ABL1: variants seen among roughly 807,000 people sequenced by gnomAD.
The protein encoded by ABL1 is tyrosine-protein kinase ABL1.
In ABL1, 11 loss-of-function variants were observed where a neutral mutation model predicts 94.7. That is an observed-to-expected ratio of 0.12 (90% CI 0.07 to 0.19). The LOEUF is 0.19. Ranked by LOEUF, ABL1 falls within the 10% of genes least tolerant of loss-of-function variation. ABL1 has a pLI of 1.00. For missense variants in ABL1, 1,082 were observed against 1,489.4 expected, an observed-to-expected ratio of 0.73 and a Z score of 4.50; for synonymous variants, 656 against 622.4, an observed-to-expected ratio of 1.05 and a Z score of -0.80.
intron 1 of ABL1, among the ~76,000 whole-genome samples, chr9:130,726,381 A>T (rs867597723): frequency 6.6e-6 from 1 of 151,990 alleles, no homozygotes; most frequent in Non-Finnish European, 1.5e-5. Context: ...AGCACCATCG[A>T]TTAGTTTCCC....
At chr9:130,777,792 C>G (rs74634810) in intron 1 of ABL1, among the ~76,000 whole-genome samples, 31 of 29,900 alleles carry the variant, frequency 1.0e-3, no homozygotes, top group African/African-American at 4.1e-3. Flanking sequence ...TTAGTACTTT[C>G]TAGACTGTGA....
chr9:130,858,629 A>G (rs1003470530), intron 3 of ABL1, among the ~76,000 whole-genome samples: 2 of 152,214 alleles, frequency 1.3e-5, no homozygotes, highest in African/African-American at 4.8e-5. Context: ...GAGCTCCCAC[A>G]GCTATGCGTG....
At chr9:130,873,521 GCTTT>G (rs1223448597) in intron 6 of ABL1, among the ~76,000 whole-genome samples, 2 of 152,064 alleles carry the variant, frequency 1.3e-5, no homozygotes, top group Non-Finnish European at 2.9e-5. Context: ...TTTTTTTCCT[GCTTT>G]CTCTTTATTA....
chr9:130,828,789 A>T (rs970436487), intron 1 of ABL1, among the ~76,000 whole-genome samples: 1 of 152,186 alleles, frequency 6.6e-6, no homozygotes, highest in Admixed American at 6.5e-5. Flanking sequence ...GAAAGAAAAC[A>T]AAAAAATAAT....
intron 1 of ABL1, among the ~76,000 whole-genome samples, chr9:130,807,775 G>A (rs1208072116): frequency 2.2e-5 from 3 of 136,032 alleles, no homozygotes; most frequent in Non-Finnish European, 3.1e-5. Flanking sequence ...TCGGCTCACC[G>A]CAGTCACTGC....
chr9:130,835,362 G>A lies in ABL1; in HGVS notation c.-85G>A. On this transcript the variant is annotated 5_prime_UTR_variant, in exon 1 of 11. Coordinates refer to ENST00000318560, the MANE Select transcript of ABL1 (RefSeq NM_005157.6). The surrounding 1 kb of genome is among the most constrained non-coding windows in gnomAD (Gnocchi z 4.6). ...TGGCGGGGCCGGGGGCGCCGGGGGGGCGCGCGGGCCGAGCCGGGCCTGAGC... is the reference window on the plus strand; with the variant it reads ...TGGCGGGGCCGGGGGCGCCGGGGGGACGCGCGGGCCGAGCCGGGCCTGAGC... 1 of 753,256 alleles carries A rather than the reference G, an allele frequency of 1.3e-6. No individual in the cohort carries two copies. Among genetic ancestry groups the A allele is most frequent in the Non-Finnish European group, 1.6e-6 (1 of 608,836 alleles). The allele number at this position is 753,256 out of a possible 1,614,324, so 46.7% of individuals were successfully genotyped here.
intron 1 of ABL1, among the ~76,000 whole-genome samples, chr9:130,810,389 G>A (rs554896226): frequency 6.6e-6 from 1 of 152,152 alleles, no homozygotes; most frequent in East Asian, 1.9e-4. Flanking sequence ...CCAACTATAC[G>A]GGAGGCTGAG....
In ABL1 at chr9:130,885,343, C is replaced by T. The variant is rs771894842; in HGVS notation, c.3053C>T (p.Pro1018Leu). 4.3e-6 allele frequency: 7 copies of T among 1,613,684 alleles called. No homozygotes were observed. In the African/African-American group the frequency reaches 5.3e-5, roughly 12 times the overall value. The change falls in exon 11 of 11, where the codon CCT becomes CTT. Residue 1018 changes from proline (P) to leucine (L), a missense_variant. Pro to Leu is a moderately conservative substitution (Grantham distance 98, BLOSUM62 -3). Around this residue, in one of 7 missense-constraint regions of ABL1, gnomAD observed 780 missense variants for 835.8 expected, o/e 0.93. Transcript: ENST00000318560. Reference protein sequence around the residue: ...TRVSLRKTRQPPERIASGAIT... With the variant: ...TRVSLRKTRQLPERIASGAIT... ...GTGTCTCTTCGGAAAACCCGCCAGC[C>T]TCCAGAGCGGATCGCCAGCGGCGCC...
chr9:130,742,575 TTTGGTAATTTGGTAAAC>T (rs1465263310), intron 1 of ABL1, among the ~76,000 whole-genome samples: 2 of 152,226 alleles, frequency 1.3e-5, no homozygotes, highest in Non-Finnish European at 2.9e-5. Flanking sequence ...CTTTGGTAAC[TTTGGTAATTTGGTAAAC>T]TTGGTAATTT....
chr9:130,751,128 G>GTTTTT (rs1831959783), intron 1 of ABL1, among the ~76,000 whole-genome samples: 1 of 74,896 alleles, frequency 1.3e-5, no homozygotes, highest in African/African-American at 6.2e-5. Context: ...TTTTTATTCA[G>GTTTTT]CTTTTTTTTT....
intron 3 of ABL1, among the ~76,000 whole-genome samples, chr9:130,859,640 G>C (rs1248992888): frequency 6.7e-6 from 1 of 149,786 alleles, no homozygotes; most frequent in Non-Finnish European, 1.5e-5. Flanking sequence ...CTGTCAGTGT[G>C]GCTGTCAAAA....
Position 130,862,333 on chromosome 9 carries a change from A to C in ABL1, c.550-430A>C, listed in dbSNP as rs1330475082. On this transcript the variant is annotated intron_variant, in intron 3 of 10. Transcript: ENST00000318560. The surrounding 1 kb of genome is among the most constrained non-coding windows in gnomAD (Gnocchi z 5.5). The stretch of plus-strand genomic sequence containing the variant: ...GAGACAGACAGTAATTAAGCAGATA[A>C]ACAGGAAATTATGAGCTAGTAGTGG... Among the ~76,000 whole-genome samples the C allele has an allele frequency of 6.6e-6, 1 of 152,196 alleles. No homozygotes were observed. Among genetic ancestry groups the C allele is most frequent in the Non-Finnish European group, 1.5e-5 (1 of 68,028 alleles).
At chr9:130,848,221 C>T (rs1233288163) in intron 1 of ABL1, among the ~76,000 whole-genome samples, 1 of 151,948 alleles carries the variant, frequency 6.6e-6, no homozygotes, top group Non-Finnish European at 1.5e-5. Flanking sequence ...AAGTTTAGGG[C>T]CAGGCGCGGT....
chr9:130,759,824 A>G (rs2583849), intron 1 of ABL1, among the ~76,000 whole-genome samples: 45,420 of 151,722 alleles, frequency 0.3, 9,365 homozygotes, highest in African/African-American at 0.56. Context: ...ACAGGGTCTC[A>G]CTCTGTTGCT....
chr9:130,873,901 T>C (rs2133000118), intron 6 of ABL1, among the ~76,000 whole-genome samples: 1 of 152,322 alleles, frequency 6.6e-6, no homozygotes, highest in South Asian at 2.1e-4. Context: ...CGGCTCCTTG[T>C]AAGACAGATT....
intron 1 of ABL1, among the ~76,000 whole-genome samples, chr9:130,799,774 C>T (rs1023678667): frequency 6.6e-6 from 1 of 152,048 alleles, no homozygotes; most frequent in African/African-American, 2.4e-5. Context: ...CCAGGGAACT[C>T]TGTCAATCAA....
chr9:130,849,868 AT>A (rs937017063), intron 1 of ABL1, among the ~76,000 whole-genome samples: 1 of 152,052 alleles, frequency 6.6e-6, no homozygotes, highest in Admixed American at 6.5e-5. Flanking sequence ...GCTTTGCCCC[AT>A]TTTTTCCATA....
chr9:130,784,286 C>G (rs953128844), intron 1 of ABL1, among the ~76,000 whole-genome samples: 13 of 152,054 alleles, frequency 8.5e-5, no homozygotes, highest in African/African-American at 3.1e-4. Flanking sequence ...TTTGTCCCCC[C>G]AACCCCTGCC....
intron 1 of ABL1, among the ~76,000 whole-genome samples, chr9:130,750,186 A>T (rs983590656): frequency 8.6e-6 from 1 of 115,992 alleles, no homozygotes; most frequent in African/African-American, 3.5e-5. Flanking sequence ...CAAGAAAAAA[A>T]AAATACATAT....
Sources: allele counts gnomAD v4.1 joint callset (sites outside exome capture counted in the v4.1 genomes callset), GRCh38; gene constraint gnomAD v4.1.1; regional missense constraint gnomAD v4.1.1; non-coding constraint Gnocchi (gnomAD v3.1); transcripts MANE v1.5; gene names NCBI Gene and HGNC (gene_info 2026-07-23, HGNC 2026-07-21).